GPHN: variants seen among roughly 807,000 people sequenced by gnomAD.
The protein encoded by GPHN is gephyrin.
A neutral mutation model predicts 95.5 loss-of-function variants in GPHN; 17 were observed. The observed-to-expected ratio is 0.18, with a 90% CI of 0.12 to 0.27. The LOEUF (loss-of-function observed/expected upper bound fraction) is 0.27. Ranked by LOEUF, GPHN falls within the 10% of genes least tolerant of loss-of-function variation. The pLI, the probability that GPHN is intolerant of heterozygous loss-of-function variation, is 1.00. For synonymous variants in GPHN, 320 were observed against 322.5 expected (o/e 0.99, Z 0.08); for missense variants, 660 against 978.1 (o/e 0.67, Z 4.34).
At chr14:67,190,657 G>A in the GPHN span, among the ~76,000 whole-genome samples, 4 of 152,134 alleles carry the variant, frequency 2.6e-5, no homozygotes, top group African/African-American at 9.7e-5. Flanking sequence ...CAAAGATTCA[G>A]AACACAAGGC....
chr14:66,695,020 G>A (rs900229566), intron 2 of GPHN, among the ~76,000 whole-genome samples: 1 of 151,984 alleles, frequency 6.6e-6, no homozygotes, highest in Admixed American at 6.6e-5. Context: ...TTAGCCATGC[G>A]CGGTGGTGCA....
At chr14:66,519,217 G>C (rs1161356632) in intron 1 of GPHN, among the ~76,000 whole-genome samples, 2 of 151,976 alleles carry the variant, frequency 1.3e-5, no homozygotes, top group Middle Eastern at 3.4e-3. Flanking sequence ...ATATTTATGT[G>C]TTATAAAGAA....
the GPHN span, chr14:67,646,924 T>G: frequency 6.3e-7 from 1 of 1,587,920 alleles, no homozygotes; most frequent in Middle Eastern, 1.7e-4. Context: ...ATCACAGTTT[T>G]ATTTTAAAGA....
intron 5 of GPHN, among the ~76,000 whole-genome samples, chr14:66,884,498 A>G (rs1445264852): frequency 1.3e-5 from 2 of 152,098 alleles, no homozygotes; most frequent in African/African-American, 4.8e-5. Flanking sequence ...GGTTTAGCAC[A>G]TCTTGTTCCA....
At chr14:67,555,764 G>C in the GPHN span, 1 of 1,595,490 alleles carries the variant, frequency 6.3e-7, no homozygotes, top group Non-Finnish European at 8.5e-7. Flanking sequence ...AAGTGGCCTT[G>C]ATGCCGTGTT....
intron 8 of GPHN, among the ~76,000 whole-genome samples, chr14:66,938,250 T>G (rs1204840422): frequency 6.6e-6 from 1 of 152,224 alleles, no homozygotes; most frequent in Non-Finnish European, 1.5e-5. Flanking sequence ...TTTCTGAATT[T>G]GGAGGAAGTC....
intron 1 of GPHN, among the ~76,000 whole-genome samples, chr14:66,531,223 G>A (rs1240443970): frequency 6.6e-6 from 1 of 152,128 alleles, no homozygotes; most frequent in Non-Finnish European, 1.5e-5. Flanking sequence ...TGGGATTACA[G>A]GCATGAGACA....
At chr14:67,605,840 G>A in the GPHN span, among the ~76,000 whole-genome samples, 15 of 152,092 alleles carry the variant, frequency 9.9e-5, no homozygotes, top group East Asian at 1.4e-3. Flanking sequence ...GCACCCCCAT[G>A]TCTGGCTAAT....
chr14:66,706,077 T>C (rs773647782), intron 2 of GPHN, among the ~76,000 whole-genome samples: 3 of 151,862 alleles, frequency 2.0e-5, no homozygotes, highest in African/African-American at 7.3e-5. Context: ...CTACAAAGAA[T>C]AAAATACCTA....
At chr14:67,072,115 A>C (rs1040551349) in intron 11 of GPHN, among the ~76,000 whole-genome samples, 1 of 152,142 alleles carries the variant, frequency 6.6e-6, no homozygotes, top group African/African-American at 2.4e-5. Flanking sequence ...TTCTGTATCT[A>C]TTTTGAAGTT....
At chr14:66,997,195 G>A (rs186972381) in intron 9 of GPHN, among the ~76,000 whole-genome samples, 15 of 151,774 alleles carry the variant, frequency 9.9e-5, no homozygotes, top group African/African-American at 1.7e-4. Flanking sequence ...GTGAAACCCC[G>A]TCTCTACTAA....
At chr14:67,672,982 T>C in the GPHN span, among the ~76,000 whole-genome samples, 1 of 152,342 alleles carries the variant, frequency 6.6e-6, no homozygotes. Flanking sequence ...TGCAGTGCTA[T>C]TCCCTCCTTC....
intron 4 of GPHN, among the ~76,000 whole-genome samples, chr14:66,852,426 C>G (rs1208666853): frequency 6.6e-6 from 1 of 152,208 alleles, no homozygotes. Flanking sequence ...TGCACACATT[C>G]ACGCGCTAAA....
At chr14:66,871,889 A>G (rs987589388) in intron 4 of GPHN, among the ~76,000 whole-genome samples, 2 of 152,220 alleles carry the variant, frequency 1.3e-5, no homozygotes, top group East Asian at 1.9e-4. Context: ...ACATATACCT[A>G]TGTAACAAAC....
At chr14:67,606,548 T>G in the GPHN span, among the ~76,000 whole-genome samples, 1 of 152,224 alleles carries the variant, frequency 6.6e-6, no homozygotes, top group Admixed American at 6.5e-5. Flanking sequence ...AAGCCACAGC[T>G]GTGTAGGCTT....
At chr14:67,319,084 A>G in the GPHN span, among the ~76,000 whole-genome samples, 1 of 151,966 alleles carries the variant, frequency 6.6e-6, no homozygotes. Context: ...TTTAGATATT[A>G]AAGTGATTTG....
intron 1 of GPHN, among the ~76,000 whole-genome samples, chr14:66,644,325 A>G (rs1338075376): frequency 6.6e-6 from 1 of 152,050 alleles, no homozygotes; most frequent in Non-Finnish European, 1.5e-5. Flanking sequence ...GTGGTTTAGT[A>G]TGCTTTTTTA....
At chr14:67,301,392 C>T in the GPHN span, 4 of 1,604,602 alleles carry the variant, frequency 2.5e-6, no homozygotes, top group Non-Finnish European at 3.4e-6. Context: ...TTCTTAGGTA[C>T]AAACTGTTTT....
the GPHN span, chr14:67,615,888 C>T: frequency 5.1e-4 from 310 of 604,162 alleles, no homozygotes; most frequent in African/African-American, 5.2e-3. Context: ...TGGAATAACA[C>T]TGCTGCAGAT....
Sources: allele counts gnomAD v4.1 joint callset (sites outside exome capture counted in the v4.1 genomes callset), GRCh38; gene constraint gnomAD v4.1.1; transcripts MANE v1.5; gene names NCBI Gene and HGNC (gene_info 2026-07-23, HGNC 2026-07-21).